Variants in GLDN observed in about 807,000 individuals in gnomAD.
GLDN encodes gliomedin, also known as collomin.
A neutral mutation model predicts 56.5 loss-of-function variants in GLDN; 47 were observed. The observed-to-expected ratio is 0.83, with a 90% CI of 0.66 to 1.06. The LOEUF is 1.06. Ranked by LOEUF, GLDN falls within the 50% of genes least tolerant of loss-of-function variation. The pLI is 0.00. For synonymous variants in GLDN, 332 were observed against 278.8 expected, an observed-to-expected ratio of 1.19 and a Z score of -1.90; for missense variants, 782 against 714.3, an observed-to-expected ratio of 1.09 and a Z score of -1.08.
intron 1 of GLDN, among the ~76,000 whole-genome samples, chr15:51,372,588 G>A (rs904515655): frequency 1.3e-5 from 2 of 152,114 alleles, no homozygotes; most frequent in Non-Finnish European, 2.9e-5. Context: ...TAGCGTGGCT[G>A]GGTTGGACTT....
At chr15:51,354,951 T>C (rs2037146183) in intron 1 of GLDN, among the ~76,000 whole-genome samples, 1 of 152,294 alleles carries the variant, frequency 6.6e-6, no homozygotes, top group Non-Finnish European at 1.5e-5. Context: ...ATGGCTAAGA[T>C]AATGGCATTG....
At chr15:51,358,251 G>T (rs1414923261) in intron 1 of GLDN, among the ~76,000 whole-genome samples, 1 of 152,168 alleles carries the variant, frequency 6.6e-6, no homozygotes, top group East Asian at 1.9e-4. Context: ...ATTCAGGTAC[G>T]AAAAGCACTG....
intron 1 of GLDN, among the ~76,000 whole-genome samples, chr15:51,365,133 T>G (rs901342189): frequency 6.6e-6 from 1 of 152,180 alleles, no homozygotes; most frequent in Non-Finnish European, 1.5e-5. Flanking sequence ...TTCAAAGGTG[T>G]TTTTTAAAGA....
intron 1 of GLDN, among the ~76,000 whole-genome samples, chr15:51,358,729 C>T (rs2037234285): frequency 6.6e-6 from 1 of 152,132 alleles, no homozygotes; most frequent in Non-Finnish European, 1.5e-5. Context: ...AAAACCACCC[C>T]TGAGGTGTAT....
chr15:51,343,163 A>T (rs2445767), intron 1 of GLDN, among the ~76,000 whole-genome samples: 1 of 152,110 alleles, frequency 6.6e-6, no homozygotes, highest in East Asian at 1.9e-4. Context: ...AACTTCCGTT[A>T]TCACAGAAGC....
chr15:51,410,161 G>A (rs535169073), downstream of GLDN, among the ~76,000 whole-genome samples: 29 of 152,278 alleles, frequency 1.9e-4, no homozygotes, highest in East Asian at 1.3e-3. Flanking sequence ...ATCTGCACAC[G>A]TGATTTCACT....
chr15:51,386,988 T>C (rs1413367549), intron 4 of GLDN, among the ~76,000 whole-genome samples: 2 of 151,844 alleles, frequency 1.3e-5, no homozygotes, highest in African/African-American at 4.8e-5. Context: ...GGAAAACAGG[T>C]CTGTAGTCAA....
intron 2 of GLDN, among the ~76,000 whole-genome samples, chr15:51,381,910 AT>A (rs2037770953): frequency 6.6e-6 from 1 of 151,958 alleles, no homozygotes. Flanking sequence ...TCACAGCATC[AT>A]CCCCCTGCCT....
intron 1 of GLDN, among the ~76,000 whole-genome samples, chr15:51,366,360 C>T (rs1399779047): frequency 2.6e-5 from 4 of 152,270 alleles, no homozygotes; most frequent in Admixed American, 6.5e-5. Context: ...TACTGAGTGG[C>T]GGTTGCTTGA....
intron 1 of GLDN, among the ~76,000 whole-genome samples, chr15:51,358,908 G>T (rs978296936): frequency 6.6e-6 from 1 of 152,130 alleles, no homozygotes; most frequent in Non-Finnish European, 1.5e-5. Flanking sequence ...GTAAACAGGA[G>T]GGCAAATGGA....
intron 1 of GLDN, 90 bp from the exon 2 acceptor site, chr15:51,377,359 T>G: frequency 8.7e-7 from 1 of 1,153,982 alleles, no homozygotes; most frequent in Non-Finnish European, 1.3e-6. Context: ...CTTGGTGACT[T>G]TTTATGATTG....
chr15:51,365,864 T>C (rs892604995), intron 1 of GLDN, among the ~76,000 whole-genome samples: 2 of 152,252 alleles, frequency 1.3e-5, no homozygotes, highest in Non-Finnish European at 2.9e-5. Flanking sequence ...CTGCATTTTC[T>C]CATAAATACG....
rs529116603 is a variant in GLDN at position 51,349,553 on chromosome 15, G to C, written c.363+7506G>C. On this transcript the variant is annotated intron_variant, in intron 1 of 9. Transcript: ENST00000335449. ...AGTAACCATAAATAAAGTCTTATTGGGATACAGTCATGCCCATTTGTTTAC... is the reference window on the plus strand; with the variant it reads ...AGTAACCATAAATAAAGTCTTATTGCGATACAGTCATGCCCATTTGTTTAC... Among the ~76,000 whole-genome samples, 5 of 152,316 alleles carry C rather than the reference G, an allele frequency of 3.3e-5. No homozygotes were observed. The South Asian group carries it at 8.3e-4, about 25-fold the overall frequency.
Position 51,404,712 on chromosome 15 carries a change from G to A in GLDN, c.1614G>A (p.Met538Ile). ...ATTCATGGGAAGATGGCCATTTAAT[G>A]CTTTATCCTGTGCAGTTTTTGTCAA... ...HLYSWEDGHL[M>I]LYPVQFLSTT... The change falls in exon 10 of 10, where the codon ATG becomes ATA. Residue 538 changes from methionine (M) to isoleucine (I), a missense_variant. Met to Ile is a conservative substitution (Grantham distance 10). Transcript: ENST00000335449. The A allele has an allele frequency of 6.2e-7, 1 of 1,609,470 alleles. No individual in the cohort carries two copies.
intron 1 of GLDN, among the ~76,000 whole-genome samples, chr15:51,375,808 T>C (rs574408248): frequency 6.6e-6 from 1 of 152,082 alleles, no homozygotes; most frequent in Admixed American, 6.5e-5. Flanking sequence ...GAGATCAGAG[T>C]TCCAAGAGGT....
rs1185130328 is a variant in GLDN at position 51,406,850 on chromosome 15, C to T, written c.*2096C>T. ...CTCTTTTCAGATTCACGTTCTCTAA[C>T]AAAGAGTCTCATGTTCAAGATCAAT... On this transcript the variant is annotated 3_prime_UTR_variant, in exon 10 of 10. Coordinates refer to ENST00000335449, the MANE Select transcript of GLDN (RefSeq NM_181789.4). The T allele has an allele frequency of 1.3e-5, 2 of 152,174 alleles. No homozygotes were observed. The highest frequency in any genetic ancestry group is 2.9e-5 in the Non-Finnish European group (2 of 68,026). 9.4% of individuals were successfully genotyped at this position (152,174 alleles called of 1,614,324 possible). A position where few individuals can be genotyped will look rare whatever the true frequency, so the allele number is the denominator to read the frequency against.
At chr15:51,381,702 A>C (rs142467893) in intron 2 of GLDN, among the ~76,000 whole-genome samples, 1 of 151,704 alleles carries the variant, frequency 6.6e-6, no homozygotes, top group African/African-American at 2.4e-5. Context: ...TTTCTCTACA[A>C]TTCTACAGTC....
At chr15:51,398,445 C>G (rs762222391) in intron 6 of GLDN, among the ~76,000 whole-genome samples, 34 of 152,234 alleles carry the variant, frequency 2.2e-4, no homozygotes, top group Non-Finnish European at 3.7e-4. Flanking sequence ...TAGGATCCGT[C>G]ATCTAACTGA....
chr15:51,349,839 A>C (rs2037043320), intron 1 of GLDN, among the ~76,000 whole-genome samples: 1 of 151,764 alleles, frequency 6.6e-6, no homozygotes, highest in Non-Finnish European at 1.5e-5. Context: ...TCCTGAGTTC[A>C]AGCGATTCTC....
Sources: allele counts gnomAD v4.1 joint callset (sites outside exome capture counted in the v4.1 genomes callset), GRCh38; gene constraint gnomAD v4.1.1; transcripts MANE v1.5; gene names NCBI Gene and HGNC (gene_info 2026-07-23, HGNC 2026-07-21).